EVA1A: variants seen among roughly 807,000 people sequenced by gnomAD.
The protein encoded by EVA1A is protein eva-1 homolog A.
Under a neutral mutation model 9.8 loss-of-function variants are expected in EVA1A, and 7 were observed. That is an observed-to-expected ratio of 0.71 (90% CI 0.41 to 1.34). EVA1A has a LOEUF of 1.34. Among genes scored for constraint, EVA1A ranks in the 40% most tolerant of loss-of-function variants. EVA1A has a pLI of 0.01. For synonymous variants in EVA1A, 90 were observed against 85.6 expected (o/e 1.05, Z -0.28); for missense variants, 206 against 205.9 (o/e 1.00, Z 0.00).
At position 75,555,937 on chromosome 2, in the gene EVA1A, T is replaced by C. The variant is rs534363279; in HGVS notation, c.-192+4743A>G. On this transcript the variant is annotated intron_variant, in intron 1 of 3. Coordinates refer to ENST00000393913, the MANE Select transcript of EVA1A (RefSeq NM_001135032.2). ...CAAACATCCTCTTCTCTCTGATGCC[T>C]TTCCTAACTCTTCTAGCAGAGATGG... Among the ~76,000 whole-genome samples the C allele has an allele frequency of 1.7e-3, 258 of 152,356 alleles. 1 individual carries two copies. In the South Asian group the frequency reaches 0.02, roughly 12 times the overall value.
intron 3 of EVA1A, among the ~76,000 whole-genome samples, chr2:75,500,193 A>G (rs1674362952): frequency 6.6e-6 from 1 of 152,242 alleles, no homozygotes; most frequent in Non-Finnish European, 1.5e-5. Context: ...AAAAGCCCCT[A>G]ATAACTGGTA....
intron 3 of EVA1A, among the ~76,000 whole-genome samples, chr2:75,498,490 A>G (rs750660179): frequency 5.3e-5 from 8 of 152,196 alleles, no homozygotes; most frequent in Non-Finnish European, 1.2e-4. Flanking sequence ...ATAAAAGTAA[A>G]AAAAACCCCA....
At chr2:75,513,352 A>G (rs887165932) in intron 3 of EVA1A, among the ~76,000 whole-genome samples, 2 of 152,218 alleles carry the variant, frequency 1.3e-5, no homozygotes, top group Non-Finnish European at 2.9e-5. Context: ...CATGCTATAC[A>G]TTAGAACTCT....
At chr2:75,494,220 T>A (rs1204460246) in intron 3 of EVA1A, among the ~76,000 whole-genome samples, 1 of 152,160 alleles carries the variant, frequency 6.6e-6, no homozygotes, top group South Asian at 2.1e-4. Context: ...CGAAAATACA[T>A]TATTTGCGAG....
intron 1 of EVA1A, among the ~76,000 whole-genome samples, chr2:75,553,693 G>A (rs1676604043): frequency 6.6e-6 from 1 of 152,176 alleles, no homozygotes; most frequent in African/African-American, 2.4e-5. Flanking sequence ...TAAATGTCCA[G>A]TCATTGTCTT....
intron 3 of EVA1A, among the ~76,000 whole-genome samples, chr2:75,510,559 A>G (rs1674775007): frequency 6.6e-6 from 1 of 152,218 alleles, no homozygotes; most frequent in Non-Finnish European, 1.5e-5. Flanking sequence ...GGGAAACATG[A>G]TTCGAATTCT....
intron 1 of EVA1A, among the ~76,000 whole-genome samples, chr2:75,548,979 GAA>G (rs150555298): frequency 1.5e-5 from 2 of 130,172 alleles, no homozygotes; most frequent in African/African-American, 6.0e-5. Flanking sequence ...CTGGCTAAAT[GAA>G]AAATATATAT....
intron 1 of EVA1A, chr2:75,526,248 G>A (rs1558681642): frequency 6.6e-6 from 1 of 152,104 alleles, no homozygotes; most frequent in South Asian, 2.1e-4. Flanking sequence ...GTGGACAGTT[G>A]GGAAAAGAAT....
chr2:75,495,764 T>A (rs1321449967), intron 3 of EVA1A, among the ~76,000 whole-genome samples: 1 of 152,160 alleles, frequency 6.6e-6, no homozygotes, highest in South Asian at 2.1e-4. Flanking sequence ...CCAAAACTAT[T>A]GAAATAAAAA....
intron 3 of EVA1A, among the ~76,000 whole-genome samples, chr2:75,509,441 T>G (rs1238539777): frequency 6.6e-6 from 1 of 152,160 alleles, no homozygotes; most frequent in African/African-American, 2.4e-5. Context: ...GTTATTAAAA[T>G]TTTTTATTTT....
At chr2:75,528,234 T>A (rs1022739152) in intron 1 of EVA1A, among the ~76,000 whole-genome samples, 5 of 152,088 alleles carry the variant, frequency 3.3e-5, no homozygotes, top group African/African-American at 1.2e-4. Context: ...TGATCAAGTA[T>A]GAATTTTCCT....
At chr2:75,562,558 G>T (rs183779213), upstream of EVA1A, among the ~76,000 whole-genome samples, 25 of 152,326 alleles carry the variant, frequency 1.6e-4, no homozygotes, top group Middle Eastern at 3.4e-3. Flanking sequence ...CAGGGAACAA[G>T]GTTCTAGCCT....
intron 1 of EVA1A, among the ~76,000 whole-genome samples, chr2:75,544,362 A>T (rs1197522564): frequency 6.6e-6 from 1 of 152,224 alleles, no homozygotes; most frequent in African/African-American, 2.4e-5. Flanking sequence ...ACCACATAAC[A>T]TGCTGTACCA....
intron 3 of EVA1A, among the ~76,000 whole-genome samples, chr2:75,503,901 G>A (rs555724550): frequency 1.8e-4 from 27 of 152,006 alleles, no homozygotes; most frequent in African/African-American, 6.3e-4. Flanking sequence ...ATTGTACTTG[G>A]GCAACAGACA....
intron 3 of EVA1A, among the ~76,000 whole-genome samples, chr2:75,517,316 A>C (rs1675048450): frequency 6.6e-6 from 1 of 152,216 alleles, no homozygotes; most frequent in Admixed American, 6.5e-5. Context: ...TTTATACAAT[A>C]TATCCAGAGA....
chr2:75,494,554 G>A (rs553530552), intron 3 of EVA1A, among the ~76,000 whole-genome samples: 4 of 152,212 alleles, frequency 2.6e-5, no homozygotes, highest in Non-Finnish European at 5.9e-5. Context: ...ACTAAGGGTG[G>A]CCTTTGGCCA....
chr2:75,524,537 T>C (rs1675351185), intron 1 of EVA1A, among the ~76,000 whole-genome samples: 1 of 152,092 alleles, frequency 6.6e-6, no homozygotes, highest in Non-Finnish European at 1.5e-5. Flanking sequence ...TGAAAAAATA[T>C]AATCATTCAT....
intron 1 of EVA1A, among the ~76,000 whole-genome samples, chr2:75,559,897 G>T (rs1286383668): frequency 6.6e-6 from 1 of 152,072 alleles, no homozygotes; most frequent in Non-Finnish European, 1.5e-5. Flanking sequence ...CTACACACAG[G>T]CTTGTTATGA....
At chr2:75,502,125 A>G (rs1674449709) in intron 3 of EVA1A, among the ~76,000 whole-genome samples, 1 of 152,258 alleles carries the variant, frequency 6.6e-6, no homozygotes, top group Non-Finnish European at 1.5e-5. Flanking sequence ...TAGCATTAAA[A>G]GAACTTAATT....
Sources: allele counts gnomAD v4.1 joint callset (sites outside exome capture counted in the v4.1 genomes callset), GRCh38; gene constraint gnomAD v4.1.1; transcripts MANE v1.5; gene names NCBI Gene and HGNC (gene_info 2026-07-23, HGNC 2026-07-21).